RPTOR: variants seen among roughly 807,000 people sequenced by gnomAD.
RPTOR encodes the protein regulatory-associated protein of mTOR.
RPTOR carries 21 observed loss-of-function variants against 169.9 expected under a neutral mutation model. The ratio of observed to expected loss-of-function variants is 0.12; its 90% CI spans 0.09 to 0.18. The LOEUF (loss-of-function observed/expected upper bound fraction) is 0.18, where lower values mean the gene tolerates loss of function less well. RPTOR is among the 10% of genes least tolerant of loss of function. The probability of loss-of-function intolerance (pLI) is 1.00; values close to 1 mark genes in which losing one functional copy is unlikely to be tolerated. For missense variants in RPTOR, 1,133 were observed against 1,855.9 expected (o/e 0.61, Z 7.16); for synonymous variants, 732 against 753.2 (o/e 0.97, Z 0.46).
At chr17:80,575,652 T>C (rs1370577026) in intron 1 of RPTOR, among the ~76,000 whole-genome samples, 1 of 152,228 alleles carries the variant, frequency 6.6e-6, no homozygotes, top group Non-Finnish European at 1.5e-5. Flanking sequence ...TTTTTGTAAA[T>C]GTTCCCTGTG....
At chr17:80,678,195 A>G (rs1246809708) in intron 3 of RPTOR, among the ~76,000 whole-genome samples, 1 of 152,234 alleles carries the variant, frequency 6.6e-6, no homozygotes, top group Non-Finnish European at 1.5e-5. Flanking sequence ...ACAGAAAATT[A>G]TAGGTACAAG....
At chr17:80,758,937 C>T (rs1389047056) in intron 6 of RPTOR, among the ~76,000 whole-genome samples, 2 of 151,750 alleles carry the variant, frequency 1.3e-5, no homozygotes, top group South Asian at 4.2e-4. Flanking sequence ...CCTGCCGCCC[C>T]ACTCCAGCTA....
chr17:80,727,185 G>A (rs74002864), intron 4 of RPTOR, among the ~76,000 whole-genome samples: 1,873 of 148,878 alleles, frequency 0.013, 48 homozygotes, highest in African/African-American at 0.044. Context: ...CTCTGACCAC[G>A]TCACGCCCCG....
At chr17:80,923,357 T>A in intron 22 of RPTOR, 133 bp from the exon 23 acceptor site, 1 of 928,752 alleles carries the variant, frequency 1.1e-6, no homozygotes, top group Non-Finnish European at 1.7e-6. Flanking sequence ...GATGGCATGC[T>A]GGGTGACTGA....
intron 13 of RPTOR, among the ~76,000 whole-genome samples, chr17:80,869,387 C>T (rs1393517727): frequency 6.6e-6 from 1 of 152,140 alleles, no homozygotes; most frequent in African/African-American, 2.4e-5. Flanking sequence ...AATCTCCCGA[C>T]CTCAAGTGAT....
Position 80,837,903 on chromosome 17 carries a change from T to G in RPTOR, c.1137-19T>G. The G allele has an allele frequency of 6.2e-7, 1 of 1,606,360 alleles. No individual in the cohort carries two copies. Among genetic ancestry groups the G allele is most frequent in the Non-Finnish European group, 8.5e-7 (1 of 1,175,574 alleles). ...GCCCGTCCATAATGCTCAGTGGATT[T>G]CCTCTGTTCTCTCCGCAGGCAAGCC... On this transcript the variant is annotated intron_variant, in intron 9 of 33. Coordinates refer to ENST00000306801, the MANE Select transcript of RPTOR (RefSeq NM_020761.3).
chr17:80,562,770 A>G lies in RPTOR; in HGVS notation c.162+16979A>G, dbSNP rs2084516669. On this transcript the variant is annotated intron_variant, in intron 1 of 33. Transcript: ENST00000306801. This position sits in a 1 kb window ranked among gnomAD's most constrained non-coding sequence, Gnocchi z 4.4. The stretch of plus-strand genomic sequence containing the variant: ...CTGCACCCCATCCTGGCAACAGAGC[A>G]AGACTCTTGTCTCAAAACAAAAAAC... 6.6e-6 allele frequency among the ~76,000 whole-genome samples: 1 copy of G among 152,152 alleles called. No homozygotes were observed. Among genetic ancestry groups the G allele is most frequent in the African/African-American group, 2.4e-5 (1 of 41,430 alleles).
chr17:80,686,187 CTTTTTTTTT>C (rs3074397), intron 3 of RPTOR, among the ~76,000 whole-genome samples: 1 of 135,898 alleles, frequency 7.4e-6, no homozygotes, highest in Admixed American at 7.2e-5. Flanking sequence ...TTCATAACAA[CTTTTTTTTT>C]TTTTTTTTGA....
At chr17:80,833,057 T>C (rs2143656553) in intron 9 of RPTOR, among the ~76,000 whole-genome samples, 1 of 152,046 alleles carries the variant, frequency 6.6e-6, no homozygotes, top group African/African-American at 2.4e-5. Flanking sequence ...ATTTCAGGGG[T>C]CCTGAAACCC....
intron 28 of RPTOR, among the ~76,000 whole-genome samples, chr17:80,956,666 C>T (rs1019162527): frequency 1.6e-4 from 24 of 152,378 alleles, no homozygotes; most frequent in African/African-American, 4.6e-4. Context: ...GCATCTTAGA[C>T]GTCGCTGCAA....
At chr17:80,781,545 G>A (rs1338162671) in intron 6 of RPTOR, among the ~76,000 whole-genome samples, 1 of 152,170 alleles carries the variant, frequency 6.6e-6, no homozygotes, top group African/African-American at 2.4e-5. Context: ...CCTTCTTGTG[G>A]ATATTTTTAA....
chr17:80,621,315 A>G (rs899832867), intron 1 of RPTOR, among the ~76,000 whole-genome samples: 9 of 152,254 alleles, frequency 5.9e-5, no homozygotes, highest in Admixed American at 2.0e-4. Flanking sequence ...ATAATTAACT[A>G]GAGCTACTCA....
chr17:80,582,119 A>C (rs1331324790), intron 1 of RPTOR, among the ~76,000 whole-genome samples: 1 of 152,188 alleles, frequency 6.6e-6, no homozygotes, highest in Non-Finnish European at 1.5e-5. Flanking sequence ...CTCATTGAAC[A>C]TTCCAGGAGG....
chr17:80,618,743 C>G (rs2065332438), intron 1 of RPTOR, among the ~76,000 whole-genome samples: 1 of 152,234 alleles, frequency 6.6e-6, no homozygotes, highest in Non-Finnish European at 1.5e-5. Flanking sequence ...AGCACCTCTC[C>G]CCTCATTCCC....
At chr17:80,781,354 G>A (rs1452725857) in intron 6 of RPTOR, among the ~76,000 whole-genome samples, 2 of 152,120 alleles carry the variant, frequency 1.3e-5, no homozygotes, top group Non-Finnish European at 2.9e-5. Flanking sequence ...GGGTCAGCTC[G>A]TGGCTGCCAC....
chr17:80,805,038 G>C (rs1298592441), intron 7 of RPTOR: 1 of 152,190 alleles, frequency 6.6e-6, no homozygotes, highest in African/African-American at 2.4e-5. Flanking sequence ...ACCACACAAG[G>C]CTGCCTGTAT....
chr17:80,935,818 C>A (rs1038668334), intron 24 of RPTOR, among the ~76,000 whole-genome samples: 5 of 152,096 alleles, frequency 3.3e-5, no homozygotes, highest in Non-Finnish European at 7.4e-5. Flanking sequence ...GCAATGTCTT[C>A]TTTAATAAGA....
At chr17:80,668,725 A>G (rs1329800281) in intron 3 of RPTOR, among the ~76,000 whole-genome samples, 2 of 152,156 alleles carry the variant, frequency 1.3e-5, no homozygotes, top group Non-Finnish European at 2.9e-5. Context: ...CTCATTGTTT[A>G]TTGTTAGAAA....
intron 4 of RPTOR, among the ~76,000 whole-genome samples, chr17:80,723,922 A>G (rs1002776607): frequency 1.3e-5 from 2 of 151,390 alleles, no homozygotes; most frequent in African/African-American, 4.9e-5. Context: ...CAATAAATAC[A>G]TAGAGAGCAT....
Sources: allele counts gnomAD v4.1 joint callset (sites outside exome capture counted in the v4.1 genomes callset), GRCh38; gene constraint gnomAD v4.1.1; non-coding constraint Gnocchi (gnomAD v3.1); transcripts MANE v1.5; gene names NCBI Gene and HGNC (gene_info 2026-07-23, HGNC 2026-07-21).